Variants in CTNNBIP1 observed in about 807,000 individuals in gnomAD.
CTNNBIP1 encodes the protein beta-catenin-interacting protein 1.
In CTNNBIP1, 7 loss-of-function variants were observed where a neutral mutation model predicts 11.8. That is an observed-to-expected ratio of 0.60 (90% CI 0.34 to 1.12). CTNNBIP1 has a LOEUF of 1.12. Among genes scored for constraint, CTNNBIP1 ranks in the 50% most tolerant of loss-of-function variants. The probability of loss-of-function intolerance (pLI) is 0.03; values close to 1 mark genes in which losing one functional copy is unlikely to be tolerated. For missense variants in CTNNBIP1, 101 were observed against 113.4 expected, an observed-to-expected ratio of 0.89 and a Z score of 0.50; for synonymous variants, 58 against 43.9, an observed-to-expected ratio of 1.32 and a Z score of -1.26.
At chr1:9,897,352 G>A (rs144134466) in intron 1 of CTNNBIP1, among the ~76,000 whole-genome samples, 2,804 of 152,282 alleles carry the variant, frequency 0.018, 30 homozygotes, top group Non-Finnish European at 0.03. Context: ...TACTCAGGAG[G>A]CTGAGGCAGG....
At chr1:9,904,420 T>C (rs1035834934) in intron 1 of CTNNBIP1, among the ~76,000 whole-genome samples, 1 of 152,168 alleles carries the variant, frequency 6.6e-6, no homozygotes, top group African/African-American at 2.4e-5. Flanking sequence ...GTGGAGCCCC[T>C]GGGTTTGAAA....
chr1:9,899,797 T>C (rs543465880), intron 1 of CTNNBIP1, among the ~76,000 whole-genome samples: 3 of 136,866 alleles, frequency 2.2e-5, no homozygotes, highest in Non-Finnish European at 3.2e-5. Context: ...GAAATGGCTG[T>C]GCATGGTGGC....
At chr1:9,877,311 G>A (rs1638990139) in intron 3 of CTNNBIP1, among the ~76,000 whole-genome samples, 1 of 152,176 alleles carries the variant, frequency 6.6e-6, no homozygotes, top group South Asian at 2.1e-4. Flanking sequence ...CGCTTTGACA[G>A]GCACGAGTGG....
At position 9,867,678 on chromosome 1, in the gene CTNNBIP1, G is replaced by T. The variant is rs1346195587; in HGVS notation, c.187+3509C>A. ...GCCACCTAGTGGGCAGGAGGTGCAC[G>T]CCAGGCCATTACCCACAGGCTCCAG... On this transcript the variant is annotated intron_variant, in intron 5 of 5. Coordinates refer to ENST00000377263, the MANE Select transcript of CTNNBIP1 (RefSeq NM_020248.3). This position sits in a 1 kb window ranked among gnomAD's most constrained non-coding sequence, Gnocchi z 4.6. 6.6e-6 allele frequency among the ~76,000 whole-genome samples: 1 copy of T among 152,170 alleles called. No homozygotes were observed. Among genetic ancestry groups the T allele is most frequent in the African/African-American group, 2.4e-5 (1 of 41,430 alleles).
At chr1:9,860,618 CAAAA>C (rs35598626) in intron 5 of CTNNBIP1, among the ~76,000 whole-genome samples, 5 of 101,130 alleles carry the variant, frequency 4.9e-5, no homozygotes, top group Admixed American at 1.1e-4. Context: ...CTTCATCTCT[CAAAA>C]AAAAAAAAAA....
At chr1:9,880,836 G>A (rs1009845196) in intron 2 of CTNNBIP1, among the ~76,000 whole-genome samples, 1 of 152,144 alleles carries the variant, frequency 6.6e-6, no homozygotes, top group Non-Finnish European at 1.5e-5. Context: ...TGTGCACCGT[G>A]AGGCCAGTGA....
In CTNNBIP1 at chr1:9,871,333, A is replaced by G; in HGVS notation, c.97-56T>C. 2 of 1,322,940 alleles carry G rather than the reference A, an allele frequency of 1.5e-6. No individual in the cohort carries two copies. The highest frequency in any genetic ancestry group is 2.1e-6 in the Non-Finnish European group (2 of 944,408). The allele number at this position is 1,322,940 out of a possible 1,614,324, so 82.0% of individuals were successfully genotyped here. ...AGCATGCACCTGTTCCCTGAAAGGC[A>G]CCTGCACCCCTAGAGGCACCGCCTA... On this transcript the variant is annotated intron_variant, in intron 4 of 5. Coordinates refer to ENST00000377263, the MANE Select transcript of CTNNBIP1 (RefSeq NM_020248.3). This position sits in a 1 kb window ranked among gnomAD's most constrained non-coding sequence, Gnocchi z 5.2.
In CTNNBIP1 at chr1:9,867,642, TGA is replaced by T. The variant is rs1553189294; in HGVS notation, c.187+3543_187+3544del. Among the ~76,000 whole-genome samples, 1 of 152,202 alleles carries T rather than the reference TGA, an allele frequency of 6.6e-6. No homozygotes were observed. The highest frequency in any genetic ancestry group is 1.5e-5 in the Non-Finnish European group (1 of 68,026). ...ACCTAAAGCAGCCTGGAGCATTTGC[TGA>T]GAGACAGCGCCACCTAGTGGGCAGG... is the stretch of plus-strand genomic sequence containing the variant. On this transcript the variant is annotated intron_variant, in intron 5 of 5. Coordinates refer to ENST00000377263, the MANE Select transcript of CTNNBIP1 (RefSeq NM_020248.3). This position sits in a 1 kb window ranked among gnomAD's most constrained non-coding sequence, Gnocchi z 4.6.
intron 5 of CTNNBIP1, among the ~76,000 whole-genome samples, chr1:9,866,607 A>C (rs927553416): frequency 5.3e-5 from 8 of 151,294 alleles, no homozygotes; most frequent in Non-Finnish European, 1.0e-4. Flanking sequence ...TTGAACTGGG[A>C]AGGTGGGGGC....
intron 5 of CTNNBIP1, among the ~76,000 whole-genome samples, chr1:9,869,426 G>A (rs1356078389): frequency 6.6e-6 from 1 of 152,200 alleles, no homozygotes; most frequent in Non-Finnish European, 1.5e-5. Flanking sequence ...AGGCTGGAGT[G>A]CAGCGGTGAG....
At chr1:9,882,596 C>T (rs1639106191) in intron 2 of CTNNBIP1, among the ~76,000 whole-genome samples, 1 of 152,122 alleles carries the variant, frequency 6.6e-6, no homozygotes, top group Non-Finnish European at 1.5e-5. Context: ...AGTCAAGCCT[C>T]AGCTTGAAAA....
intron 5 of CTNNBIP1, among the ~76,000 whole-genome samples, chr1:9,860,185 C>T (rs1241687695): frequency 1.3e-5 from 2 of 152,020 alleles, no homozygotes; most frequent in Admixed American, 6.5e-5. Context: ...TCCCAAAGGC[C>T]GCAGGCCCTG....
chr1:9,907,311 C>T (rs1639637406), intron 1 of CTNNBIP1, among the ~76,000 whole-genome samples: 1 of 152,232 alleles, frequency 6.6e-6, no homozygotes, highest in Admixed American at 6.5e-5. Context: ...GCTGGGATTA[C>T]AGGCACTCGC....
At chr1:9,866,666 C>T (rs1255444514) in intron 5 of CTNNBIP1, among the ~76,000 whole-genome samples, 3 of 137,022 alleles carry the variant, frequency 2.2e-5, no homozygotes, top group South Asian at 2.3e-4. Context: ...GGTGACAGAA[C>T]AAAACTCCTT....
intron 1 of CTNNBIP1, among the ~76,000 whole-genome samples, chr1:9,896,165 T>C (rs1401384804): frequency 1.3e-5 from 2 of 152,192 alleles, no homozygotes; most frequent in Non-Finnish European, 2.9e-5. Flanking sequence ...GACCCTTGTC[T>C]TTAGGATGTT....
intron 1 of CTNNBIP1, among the ~76,000 whole-genome samples, chr1:9,885,743 AGACCAGCCT>A (rs768911946): frequency 3.9e-5 from 6 of 152,162 alleles, no homozygotes; most frequent in Admixed American, 6.5e-5. Context: ...TGGGAGTTCA[AGACCAGCCT>A]GACCAACATG....
chr1:9,861,231 C>G (rs1318956979), intron 5 of CTNNBIP1, among the ~76,000 whole-genome samples: 1 of 152,190 alleles, frequency 6.6e-6, no homozygotes, highest in Non-Finnish European at 1.5e-5. Flanking sequence ...ACTGCAGTGG[C>G]TGAACTACCA....
chr1:9,879,918 T>C (rs1024792236), intron 2 of CTNNBIP1, among the ~76,000 whole-genome samples: 1 of 152,208 alleles, frequency 6.6e-6, no homozygotes, highest in African/African-American at 2.4e-5. Context: ...ATTTTTTATT[T>C]TATTTTTTGC....
At chr1:9,907,193 CAG>C (rs769495899) in intron 1 of CTNNBIP1, among the ~76,000 whole-genome samples, 89 of 152,236 alleles carry the variant, frequency 5.8e-4, no homozygotes, top group Admixed American at 1.2e-3. Flanking sequence ...GTTTTTGAGA[CAG>C]AGTCTTCCTC....
Sources: allele counts gnomAD v4.1 joint callset (sites outside exome capture counted in the v4.1 genomes callset), GRCh38; gene constraint gnomAD v4.1.1; non-coding constraint Gnocchi (gnomAD v3.1); transcripts MANE v1.5; gene names NCBI Gene and HGNC (gene_info 2026-07-23, HGNC 2026-07-21).